The following MCTP2 variants were observed in gnomAD, a reference collection of about 807,000 sequenced individuals.
The protein encoded by MCTP2 is multiple C2 and transmembrane domain containing 2, also known as multiple C2 and transmembrane domain-containing protein 2.
A neutral mutation model predicts 111.6 loss-of-function variants in MCTP2; 132 were observed. That is an observed-to-expected ratio of 1.18 (90% CI 1.03 to 1.37). MCTP2 has a LOEUF of 1.37. MCTP2 is among the 40% of genes most tolerant of loss of function. MCTP2 has a pLI of 0.00. For missense variants in MCTP2, 1,183 were observed against 1,067.9 expected (o/e 1.11, Z -1.50); for synonymous variants, 395 against 387.7 (o/e 1.02, Z -0.22).
At chr15:94,268,088 A>C (rs140593316) in intron 1 of MCTP2, among the ~76,000 whole-genome samples, 1 of 151,162 alleles carries the variant, frequency 6.6e-6, no homozygotes, top group South Asian at 2.1e-4. Flanking sequence ...GGATGGTCTC[A>C]ATCTCCTGAC....
At chr15:94,367,536 G>T (rs909931878) in intron 10 of MCTP2, 69 bp from the exon 11 acceptor site, 15 of 1,229,286 alleles carry the variant, frequency 1.2e-5, no homozygotes, top group Non-Finnish European at 1.7e-5. Context: ...AAAGCCAGGT[G>T]CTTTGGAGGT....
intron 1 of MCTP2, among the ~76,000 whole-genome samples, chr15:94,242,109 C>T (rs1048944120): frequency 8.5e-5 from 13 of 152,086 alleles, no homozygotes; most frequent in Admixed American, 1.3e-4. Flanking sequence ...CCACTTAAAA[C>T]GTTTCTACTC....
chr15:94,470,365 CTCTGGCCTGTTTGAT>C lies in MCTP2; in HGVS notation c.2400_2414del (p.Cys801_Ala805del), dbSNP rs1298021994. ...AACTGGACGGTCCCCTTCCTTTCAT[CTCTGGCCTGTTTGAT>C]TCTGGCAGCAGCCACCATCATTTTG... On this transcript the variant is annotated inframe_deletion, in exon 21 of 23. Coordinates refer to ENST00000357742, the MANE Select transcript of MCTP2 (RefSeq NM_001385001.1). 6.2e-7 allele frequency: 1 copy of C among 1,613,688 alleles called. No homozygotes were observed. Among genetic ancestry groups the C allele is most frequent in the African/African-American group, 1.3e-5 (1 of 74,904 alleles).
At chr15:94,408,173 A>G (rs1007093357) in intron 17 of MCTP2, among the ~76,000 whole-genome samples, 16 of 152,236 alleles carry the variant, frequency 1.1e-4, no homozygotes, top group African/African-American at 3.1e-4. Flanking sequence ...GACATCCACC[A>G]GAAGTCACAA....
At chr15:94,359,974 G>A (rs1371667098) in intron 10 of MCTP2, among the ~76,000 whole-genome samples, 1 of 152,134 alleles carries the variant, frequency 6.6e-6, no homozygotes, top group Non-Finnish European at 1.5e-5. Flanking sequence ...GTTGCAGGAT[G>A]TTTAGCAAAC....
In MCTP2 at chr15:94,315,597, C is replaced by G; in HGVS notation, c.597C>G (p.His199Gln). ...PSPFAYLLTI[H>Q]LKEGRNLVVR... The stretch of plus-strand genomic sequence containing the variant: ...CTTTTGCGTACCTCCTCACCATACA[C>G]CTGAAGGAAGGCCGGAACCTGGTTG... The change falls in exon 4 of 23, where the codon CAC (histidine) becomes CAG (glutamine). Residue 199 changes from histidine to glutamine, a missense_variant. His to Gln is a conservative substitution (Grantham distance 24). Transcript: ENST00000357742. The G allele has an allele frequency of 6.2e-7, 1 of 1,614,140 alleles. No individual in the cohort carries two copies. The highest frequency in any genetic ancestry group is 8.5e-7 in the Non-Finnish European group (1 of 1,180,014).
chr15:94,293,394 T>G (rs1292701335), intron 1 of MCTP2, among the ~76,000 whole-genome samples: 1 of 152,188 alleles, frequency 6.6e-6, no homozygotes, highest in Non-Finnish European at 1.5e-5. Flanking sequence ...TGTGTAAAAG[T>G]CTTGAATAGA....
At chr15:94,305,567 G>A (rs953538078) in intron 2 of MCTP2, among the ~76,000 whole-genome samples, 5 of 152,146 alleles carry the variant, frequency 3.3e-5, no homozygotes, top group African/African-American at 1.2e-4. Flanking sequence ...TTAGAAGTCA[G>A]TCTCTCTTGT....
In MCTP2 at chr15:94,439,082, T is replaced by C. The variant is rs540917871; in HGVS notation, c.2086-1094T>C. On this transcript the variant is annotated intron_variant, in intron 17 of 22. Coordinates refer to ENST00000357742, the MANE Select transcript of MCTP2 (RefSeq NM_001385001.1). ...TCAGTAAGGCTGCTAATGTTAAAAA[T>C]ATATATGTAAATTATTTGCTTTTAT... Among the ~76,000 whole-genome samples, 60 of 152,276 alleles carry C rather than the reference T, an allele frequency of 3.9e-4. 1 individual carries two copies. The highest frequency in any genetic ancestry group is 3.4e-3 in the Middle Eastern group (1 of 294).
chr15:94,298,526 C>G lies in MCTP2; in HGVS notation c.261C>G (p.Ile87Met). The G allele has an allele frequency of 1.9e-6, 3 of 1,614,126 alleles. No individual in the cohort carries two copies. Among genetic ancestry groups the G allele is most frequent in the Non-Finnish European group, 2.5e-6 (3 of 1,179,998 alleles). ...CCAGCAGTCTGTCCACTGCAGGGATCTTTCCCAAGAGCAGCAGTAGCTCCT... is the reference window on the plus strand; with the variant it reads ...CCAGCAGTCTGTCCACTGCAGGGATGTTTCCCAAGAGCAGCAGTAGCTCCT... ...SVPSSLSTAG[I>M]FPKSSSSSLK... Residue 87 changes from isoleucine to methionine, a missense_variant, in exon 2 of 23, where the codon ATC (isoleucine) becomes ATG (methionine). Transcript: ENST00000357742.
chr15:94,449,611 G>C (rs2084321406), intron 19 of MCTP2, among the ~76,000 whole-genome samples: 1 of 152,150 alleles, frequency 6.6e-6, no homozygotes, highest in Non-Finnish European at 1.5e-5. Flanking sequence ...AGTTCCCTAG[G>C]ACTTCTGCTT....
At chr15:94,318,271 A>AT (rs2076463221) in intron 4 of MCTP2, among the ~76,000 whole-genome samples, 1 of 97,550 alleles carries the variant, frequency 1.0e-5, no homozygotes, top group Non-Finnish European at 2.0e-5. Context: ...TCAAAAAAAA[A>AT]ATTTTTTTTT....
chr15:94,418,743 A>C (rs1293953537), intron 17 of MCTP2, among the ~76,000 whole-genome samples: 1 of 152,160 alleles, frequency 6.6e-6, no homozygotes, highest in Non-Finnish European at 1.5e-5. Context: ...CAGTAGCATG[A>C]TGTAAACATT....
At chr15:94,253,325 T>C (rs2072562610) in intron 1 of MCTP2, among the ~76,000 whole-genome samples, 1 of 152,202 alleles carries the variant, frequency 6.6e-6, no homozygotes, top group African/African-American at 2.4e-5. Context: ...CTTCTGTAAA[T>C]GGCTCTTGCT....
At position 94,390,725 on chromosome 15, in the gene MCTP2, C is replaced by CTTTTTTTTTTT. The variant is rs777312969; in HGVS notation, c.1788+5212_1788+5222dup. ...GAAGACCTGCAATTTCTTTTCTTTTCTTTTTTTTTTTTTTTTTTTTTTGGG... is the reference window on the plus strand; with the variant it reads ...GAAGACCTGCAATTTCTTTTCTTTTCTTTTTTTTTTTTTTTTTTTTTTTTTTTTTTTTTGGG... On this transcript the variant is annotated intron_variant, in intron 14 of 22. Transcript: ENST00000357742. Among the ~76,000 whole-genome samples, 170 of 112,956 alleles carry CTTTTTTTTTTT rather than the reference C, an allele frequency of 1.5e-3. 5 individuals carry two copies. Among genetic ancestry groups the CTTTTTTTTTTT allele is most frequent in the African/African-American group, 4.1e-3 (120 of 29,258 alleles). 74.1% of individuals were successfully genotyped at this position (112,956 alleles called of 152,430 possible). A position where few individuals can be genotyped will look rare whatever the true frequency, so the allele number is the denominator to read the frequency against.
At chr15:94,466,972 CTTT>C (rs2073389179) in intron 20 of MCTP2, among the ~76,000 whole-genome samples, 1 of 152,070 alleles carries the variant, frequency 6.6e-6, no homozygotes, top group Admixed American at 6.6e-5. Flanking sequence ...CAATAACTTT[CTTT>C]CCATATTTGT....
intron 21 of MCTP2, among the ~76,000 whole-genome samples, chr15:94,471,249 G>C (rs989418627): frequency 6.6e-6 from 1 of 152,178 alleles, no homozygotes; most frequent in Non-Finnish European, 1.5e-5. Flanking sequence ...CCATGACTTA[G>C]CTATGACTGC....
At chr15:94,245,008 A>T (rs562678750) in intron 1 of MCTP2, among the ~76,000 whole-genome samples, 2 of 149,710 alleles carry the variant, frequency 1.3e-5, no homozygotes, top group Admixed American at 6.6e-5. Flanking sequence ...ACGTATATGT[A>T]TACACATACA....
At chr15:94,353,473 A>G (rs911671773) in intron 8 of MCTP2, among the ~76,000 whole-genome samples, 2 of 152,336 alleles carry the variant, frequency 1.3e-5, no homozygotes, top group African/African-American at 4.8e-5. Context: ...CCTTTCCAAG[A>G]TAAACATCCA....
Sources: allele counts gnomAD v4.1 joint callset (sites outside exome capture counted in the v4.1 genomes callset), GRCh38; gene constraint gnomAD v4.1.1; transcripts MANE v1.5; gene names NCBI Gene and HGNC (gene_info 2026-07-23, HGNC 2026-07-21).